THADA: variants seen among roughly 807,000 people sequenced by gnomAD.
THADA encodes THADA armadillo repeat containing, also known as tRNA (32-2'-O)-methyltransferase regulator THADA.
In THADA, 213 loss-of-function variants were observed where a neutral mutation model predicts 219.8. The ratio of observed to expected loss-of-function variants is 0.97; its 90% confidence interval spans 0.87 to 1.09. The LOEUF is 1.09. THADA is among the 50% of genes least tolerant of loss of function. The pLI is 0.00. For missense variants in THADA, 2,956 were observed against 2,311.3 expected, an observed-to-expected ratio of 1.28 and a Z score of -5.72; for synonymous variants, 1,018 against 828.9, an observed-to-expected ratio of 1.23 and a Z score of -3.92.
intron 35 of THADA, among the ~76,000 whole-genome samples, chr2:43,281,332 T>C (rs1673328548): frequency 6.6e-6 from 1 of 152,214 alleles, no homozygotes; most frequent in Non-Finnish European, 1.5e-5. Context: ...TTTTCCTCTT[T>C]AATATGGTCA....
At chr2:43,475,712 C>A (rs1685453187) in intron 26 of THADA, among the ~76,000 whole-genome samples, 1 of 152,162 alleles carries the variant, frequency 6.6e-6, no homozygotes, top group Non-Finnish European at 1.5e-5. Flanking sequence ...TGTAAAGACA[C>A]ACACTTTGTT....
chr2:43,358,545 A>T (rs761362974), intron 29 of THADA, among the ~76,000 whole-genome samples: 30 of 152,220 alleles, frequency 2.0e-4, no homozygotes, highest in Admixed American at 5.9e-4. Flanking sequence ...TCTGCAAATG[A>T]GGCCAAAAGA....
intron 34 of THADA, among the ~76,000 whole-genome samples, chr2:43,291,117 GGGAA>G (rs1160959621): frequency 1.3e-5 from 2 of 151,880 alleles, no homozygotes; most frequent in Non-Finnish European, 2.9e-5. Context: ...GTGTTTTGGG[GGGAA>G]GGTTCTGTTA....
At chr2:43,569,521 T>C (rs963849787) in intron 14 of THADA, among the ~76,000 whole-genome samples, 1 of 152,194 alleles carries the variant, frequency 6.6e-6, no homozygotes, top group African/African-American at 2.4e-5. Flanking sequence ...GACGTCCCAA[T>C]CTTCGTCATT....
In THADA at chr2:43,574,848, G is replaced by C; in HGVS notation, c.1217C>G (p.Ala406Gly). ...VYTHWEHPLD[A>G]LRHQTKIMFK... ...CATGATTTTGGTTTGGTGTCTCAGAGCATCCAATGGATGTTCCCAATGGGT... is the reference window on the plus strand; with the variant it reads ...CATGATTTTGGTTTGGTGTCTCAGACCATCCAATGGATGTTCCCAATGGGT... Residue 406 changes from alanine (A) to glycine (G), a missense_variant, in exon 11 of 38, where the codon GCT (alanine) becomes GGT (glycine). Coordinates refer to ENST00000405975, the MANE Select transcript of THADA (RefSeq NM_022065.5). The C allele has an allele frequency of 6.2e-7, 1 of 1,613,964 alleles. No homozygotes were observed.
chr2:43,404,831 T>C (rs1675340410), intron 28 of THADA, among the ~76,000 whole-genome samples: 1 of 152,212 alleles, frequency 6.6e-6, no homozygotes, highest in South Asian at 2.1e-4. Context: ...CCTAGGTTTG[T>C]ACCTTCTATA....
intron 29 of THADA, among the ~76,000 whole-genome samples, chr2:43,362,954 G>C (rs72879235): frequency 6.6e-6 from 1 of 151,868 alleles, no homozygotes; most frequent in Non-Finnish European, 1.5e-5. Flanking sequence ...GACTACACAG[G>C]GTCAGGATCA....
chr2:43,432,506 A>G (rs1679496597), intron 26 of THADA, among the ~76,000 whole-genome samples: 1 of 151,306 alleles, frequency 6.6e-6, no homozygotes, highest in African/African-American at 2.4e-5. Flanking sequence ...ATAAAATTCT[A>G]ATATAAGACT....
At chr2:43,440,571 T>A (rs1680725724) in intron 26 of THADA, among the ~76,000 whole-genome samples, 1 of 152,182 alleles carries the variant, frequency 6.6e-6, no homozygotes, top group African/African-American at 2.4e-5. Context: ...TTTGATTCTG[T>A]GAAGAGAAGT....
At chr2:43,560,552 G>C (rs74774554) in intron 15 of THADA, among the ~76,000 whole-genome samples, 167 bp from the exon 16 acceptor site, 1,958 of 152,076 alleles carry the variant, frequency 0.013, 30 homozygotes, top group African/African-American at 0.041. Flanking sequence ...TTCTTAAAAT[G>C]ACAAAATAAG....
rs372216486 is a variant in THADA, at chr2:43,231,379, A to G, written c.5467-36T>C. The G allele has an allele frequency of 3.4e-6, 5 of 1,479,662 alleles. No individual in the cohort carries two copies. The African/African-American group carries it at 5.6e-5, about 17-fold the overall frequency. The allele number at this position is 1,479,662 out of a possible 1,614,324, so 91.7% of individuals were successfully genotyped here. A position where few individuals can be genotyped will look rare whatever the true frequency, so the allele number is the denominator to read the frequency against. The stretch of plus-strand genomic sequence containing the variant: ...TGAAAAAGCCGAAAGTCAGTCTTAC[A>G]GGGAATGGTGACAAGCCCCAGTCCA... On this transcript the variant is annotated intron_variant, in intron 37 of 37. Coordinates refer to ENST00000405975, the MANE Select transcript of THADA (RefSeq NM_022065.5).
At chr2:43,527,268 G>A (rs1045713990) in intron 22 of THADA, among the ~76,000 whole-genome samples, 4 of 152,142 alleles carry the variant, frequency 2.6e-5, no homozygotes, top group African/African-American at 4.8e-5. Flanking sequence ...TGAACACTTA[G>A]TCATTAAGTA....
At chr2:43,327,686 G>C (rs1004312494) in intron 30 of THADA, among the ~76,000 whole-genome samples, 2 of 152,126 alleles carry the variant, frequency 1.3e-5, no homozygotes, top group Non-Finnish European at 2.9e-5. Flanking sequence ...TGGAAGGATT[G>C]CTTGAGATCA....
intron 29 of THADA, among the ~76,000 whole-genome samples, chr2:43,354,559 G>GA (rs1668669804): frequency 6.6e-6 from 1 of 151,518 alleles, no homozygotes; most frequent in Non-Finnish European, 1.5e-5. Context: ...CTATCTCCAT[G>GA]AGTTCAATTG....
chr2:43,593,944 G>T (rs140316866), intron 1 of THADA, among the ~76,000 whole-genome samples: 1 of 152,064 alleles, frequency 6.6e-6, no homozygotes, highest in Non-Finnish European at 1.5e-5. Flanking sequence ...TAGACTTCTT[G>T]TCTTGCTATT....
At chr2:43,558,706 C>T (rs1697693846) in intron 16 of THADA, among the ~76,000 whole-genome samples, 1 of 152,160 alleles carries the variant, frequency 6.6e-6, no homozygotes, top group African/African-American at 2.4e-5. Flanking sequence ...TGTGGGGCCT[C>T]AGCTTGTGAT....
At chr2:43,473,245 C>T (rs1391222425) in intron 26 of THADA, among the ~76,000 whole-genome samples, 2 of 152,140 alleles carry the variant, frequency 1.3e-5, no homozygotes, top group African/African-American at 4.8e-5. Context: ...TACACTTATT[C>T]TATAAGCTTT....
chr2:43,300,161 G>C (rs1351891562), intron 31 of THADA, among the ~76,000 whole-genome samples: 1 of 150,956 alleles, frequency 6.6e-6, no homozygotes, highest in Non-Finnish European at 1.5e-5. Flanking sequence ...ATTTTTTTGA[G>C]ACAGAGTCTC....
At chr2:43,501,048 G>C (rs756518460) in intron 24 of THADA, among the ~76,000 whole-genome samples, 1 of 151,950 alleles carries the variant, frequency 6.6e-6, no homozygotes, top group Non-Finnish European at 1.5e-5. Flanking sequence ...GCTCAAGCCT[G>C]TGATCCCAGC....
Sources: gnomAD v4.1 joint callset for allele counts (sites outside exome capture counted in the v4.1 genomes callset) on GRCh38, gnomAD v4.1.1 for gene constraint, MANE v1.5 for transcripts, NCBI Gene and HGNC (gene_info 2026-07-23, HGNC 2026-07-21) for gene names.